The following GTF2A1L variants were observed in gnomAD, a reference collection of about 807,000 sequenced individuals.
The protein encoded by GTF2A1L is TFIIA-alpha and beta-like factor.
Under a neutral mutation model 49.7 loss-of-function variants are expected in GTF2A1L, and 48 were observed. The ratio of observed to expected loss-of-function variants is 0.97; its 90% CI spans 0.77 to 1.23. The LOEUF (loss-of-function observed/expected upper bound fraction) is 1.23. Ranked by LOEUF, GTF2A1L falls within the 50% of genes most tolerant of loss-of-function variation. The pLI, the probability that GTF2A1L is intolerant of heterozygous loss-of-function variation, is 0.00. For missense variants in GTF2A1L, 736 were observed against 564.8 expected (o/e 1.30, Z -3.07); for synonymous variants, 246 against 193.5 (o/e 1.27, Z -2.25).
intron 1 of GTF2A1L, 41 bp downstream of exon 1, chr2:48,617,936 G>A (rs1432291851): frequency 2.6e-6 from 4 of 1,548,888 alleles, no homozygotes; most frequent in Non-Finnish European, 3.5e-6. Flanking sequence ...GAGCGCCCTG[G>A]GACTCCGGGT....
intron 6 of GTF2A1L, 33 bp from the exon 7 acceptor site, chr2:48,669,689 C>G: frequency 6.3e-7 from 1 of 1,580,056 alleles, no homozygotes; most frequent in South Asian, 1.2e-5. Context: ...CCTTATTTGA[C>G]TTGAACTTTA....
rs1965508 is a variant in GTF2A1L at position 48,679,486 on chromosome 2, T to C, written c.*44T>C. The stretch of plus-strand genomic sequence containing the variant: ...ATCTATTTTGTGAACATCAGTTGGA[T>C]TATATTGCATATTGTGAATTCATTT... On this transcript the variant is annotated 3_prime_UTR_variant, in exon 9 of 9. Coordinates refer to ENST00000403751, the MANE Select transcript of GTF2A1L (RefSeq NM_006872.5). The C allele has an allele frequency of 0.97, 1,564,348 of 1,608,732 alleles. 760,687 individuals are homozygous for C. Among genetic ancestry groups the C allele is most frequent in the East Asian group, 1 (44,704 of 44,712 alleles).
chr2:48,650,252 G>A (rs942634372), intron 6 of GTF2A1L, among the ~76,000 whole-genome samples: 4 of 152,044 alleles, frequency 2.6e-5, no homozygotes, highest in African/African-American at 7.2e-5. Context: ...CTAGAATTAC[G>A]TTTATTTGGC....
intron 6 of GTF2A1L, among the ~76,000 whole-genome samples, chr2:48,650,886 A>G (rs1677807427): frequency 1.3e-5 from 2 of 152,162 alleles, no homozygotes; most frequent in East Asian, 3.8e-4. Flanking sequence ...ACAATTATAG[A>G]CCACTGAATT....
At position 48,646,966 on chromosome 2, in the gene GTF2A1L, A is replaced by G. The variant is rs777063637; in HGVS notation, c.902A>G (p.Asn301Ser). The G allele has an allele frequency of 3.1e-6, 5 of 1,614,182 alleles. No individual in the cohort carries two copies. Among genetic ancestry groups the G allele is most frequent in the Middle Eastern group, 1.6e-4 (1 of 6,062 alleles). ...GATATTCAGCTTCATATTCTTAAAA[A>G]TAGGATGTATGGATGTGATTCTGTA... ...VTDIQLHILK[N>S]RMYGCDSVKQ... Residue 301 changes from asparagine (N) to serine (S), a missense_variant, in exon 6 of 9, where the codon AAT becomes AGT. Coordinates refer to ENST00000403751, the MANE Select transcript of GTF2A1L (RefSeq NM_006872.5).
At chr2:48,648,588 T>A (rs1461818413) in intron 6 of GTF2A1L, among the ~76,000 whole-genome samples, 1 of 152,106 alleles carries the variant, frequency 6.6e-6, no homozygotes, top group African/African-American at 2.4e-5. Flanking sequence ...GCAAGCAAAC[T>A]ATATAACATT....
chr2:48,617,917 G>C, intron 1 of GTF2A1L, 22 bp downstream of exon 1: 2 of 1,551,684 alleles, frequency 1.3e-6, no homozygotes, highest in Non-Finnish European at 1.7e-6. Context: ...CTCAGGCTCT[G>C]TGTAGAGGGA....
chr2:48,624,979 G>T (rs1484003426), intron 3 of GTF2A1L, among the ~76,000 whole-genome samples: 1 of 143,938 alleles, frequency 6.9e-6, no homozygotes, highest in Non-Finnish European at 1.6e-5. Context: ...CACTTCGGTT[G>T]TTTACAAATC....
chr2:48,647,072 CAG>C (rs1222851710), intron 6 of GTF2A1L, 30 bp downstream of exon 6: 3 of 1,533,074 alleles, frequency 2.0e-6, no homozygotes, highest in Admixed American at 4.0e-5. Context: ...TTCTTGGTAT[CAG>C]GGGACAGATA....
chr2:48,657,255 C>T (rs1211391555), intron 6 of GTF2A1L, among the ~76,000 whole-genome samples: 1 of 152,124 alleles, frequency 6.6e-6, no homozygotes, highest in African/African-American at 2.4e-5. Context: ...CCCTCACTTC[C>T]CCTTCTCCCT....
At chr2:48,668,967 A>T (rs1679023019) in intron 6 of GTF2A1L, among the ~76,000 whole-genome samples, 1 of 152,180 alleles carries the variant, frequency 6.6e-6, no homozygotes, top group Non-Finnish European at 1.5e-5. Context: ...CATCTACGTG[A>T]CCAGAGGTGA....
intron 1 of GTF2A1L, among the ~76,000 whole-genome samples, chr2:48,618,518 A>T (rs1323708955): frequency 6.6e-6 from 1 of 152,224 alleles, no homozygotes; most frequent in Non-Finnish European, 1.5e-5. Flanking sequence ...ATTCATCTTT[A>T]TTACCAATTC....
Position 48,646,605 on chromosome 2 carries a change from C to G in GTF2A1L, c.541C>G (p.Gln181Glu). 2.5e-6 allele frequency: 4 copies of G among 1,614,130 alleles called. No homozygotes were observed. The highest frequency in any genetic ancestry group is 1.3e-5 in the African/African-American group (1 of 75,024). Residue 181 changes from glutamine to glutamate, a missense_variant, in exon 6 of 9, where the codon CAA (glutamine) becomes GAA (glutamate). Transcript: ENST00000403751. The stretch of plus-strand genomic sequence containing the variant: ...TCCACAATTGAATCCATGGTCTCTT[C>G]AAGCAACTACTGAAAAATCACAGAG... The part of the protein sequence containing the change: ...SVPQLNPWSL[Q>E]ATTEKSQRIE...
intron 6 of GTF2A1L, among the ~76,000 whole-genome samples, chr2:48,667,343 C>T (rs565255976): frequency 6.6e-6 from 1 of 152,262 alleles, no homozygotes; most frequent in Admixed American, 6.5e-5. Context: ...ATGGACATTA[C>T]TCTTCTTATA....
chr2:48,664,481 T>C (rs1377228148), intron 6 of GTF2A1L, among the ~76,000 whole-genome samples: 1 of 152,130 alleles, frequency 6.6e-6, no homozygotes, highest in Admixed American at 6.6e-5. Context: ...TAAGATTTCG[T>C]TGTGGATTTT....
Position 48,625,735 on chromosome 2 carries a change from A to G in GTF2A1L, c.247+4445A>G, listed in dbSNP as rs1486627379. Among the ~76,000 whole-genome samples, 2 of 142,886 alleles carry G rather than the reference A, an allele frequency of 1.4e-5. 1 individual carries two copies. The highest frequency in any genetic ancestry group is 3.9e-4 in the East Asian group (2 of 5,120). The allele number at this position is 142,886 out of a possible 152,430, so 93.7% of individuals were successfully genotyped here. On this transcript the variant is annotated intron_variant, in intron 3 of 8. Transcript: ENST00000403751. Reference sequence around the variant, plus strand: ...GTAACTGGGACTACAGGCATACTCTATCATGCCTGGCTAATTTTCACATTT... The same window carrying G: ...GTAACTGGGACTACAGGCATACTCTGTCATGCCTGGCTAATTTTCACATTT...
At chr2:48,638,975 C>A (rs1437711164) in intron 3 of GTF2A1L, among the ~76,000 whole-genome samples, 3 of 151,876 alleles carry the variant, frequency 2.0e-5, no homozygotes, top group African/African-American at 7.2e-5. Flanking sequence ...GAATAAGACA[C>A]CTAGCAATAC....
At position 48,646,656 on chromosome 2, in the gene GTF2A1L, G is replaced by C; in HGVS notation, c.592G>C (p.Ala198Pro). The change falls in exon 6 of 9, where the codon GCA becomes CCA. Residue 198 changes from alanine to proline, a missense_variant. Ala to Pro is a conservative substitution (Grantham distance 27). Coordinates refer to ENST00000403751, the MANE Select transcript of GTF2A1L (RefSeq NM_006872.5). ...AATTGAAACCGTGCTACAGCAACCC[G>C]CAATTCTACCTTCTGGGCCAGTAGA... ...QRIETVLQQPAILPSGPVDRK... is the reference protein window; with the variant it reads ...QRIETVLQQPPILPSGPVDRK... 2 of 1,613,974 alleles carry C rather than the reference G, an allele frequency of 1.2e-6. No homozygotes were observed. Among genetic ancestry groups the C allele is most frequent in the Admixed American group, 1.7e-5 (1 of 60,002 alleles).
rs550106463 is a variant in GTF2A1L, at chr2:48,620,693, C to G, written c.22-158C>G. Among the ~76,000 whole-genome samples, 13 of 152,148 alleles carry G rather than the reference C, an allele frequency of 8.5e-5. No individual in the cohort carries two copies. In the South Asian group the frequency reaches 2.1e-3, roughly 24 times the overall value. ...TCAGGAGGCTGAGGCAGGAGAATTG[C>G]TTGAACCTGGGACGTGGAAATTGCA... On this transcript the variant is annotated intron_variant, in intron 1 of 8. Coordinates refer to ENST00000403751, the MANE Select transcript of GTF2A1L (RefSeq NM_006872.5).
Sources: allele counts gnomAD v4.1 joint callset (sites outside exome capture counted in the v4.1 genomes callset), GRCh38; gene constraint gnomAD v4.1.1; transcripts MANE v1.5; gene names NCBI Gene and HGNC (gene_info 2026-07-23, HGNC 2026-07-21).